KIF26B: variants seen among roughly 807,000 people sequenced by gnomAD.
KIF26B encodes the protein kinesin family member 26B, also known as kinesin-like protein KIF26B.
KIF26B carries 63 observed loss-of-function variants against 151.2 expected under a neutral mutation model. The ratio of observed to expected loss-of-function variants is 0.42; its 90% CI spans 0.34 to 0.51. The LOEUF is 0.51. Among genes scored for constraint, KIF26B ranks in the 20% least tolerant of loss-of-function variants. KIF26B has a pLI of 0.07. For synonymous variants in KIF26B, 1,357 were observed against 1,262.1 expected, an observed-to-expected ratio of 1.08 and a Z score of -1.59; for missense variants, 2,813 against 2,913.6, an observed-to-expected ratio of 0.97 and a Z score of 0.79.
intron 4 of KIF26B, among the ~76,000 whole-genome samples, chr1:245,505,157 C>T (rs1420819113): frequency 2.0e-5 from 3 of 150,422 alleles, no homozygotes; most frequent in African/African-American, 7.3e-5. Context: ...AGGCTGTTCT[C>T]GAACTCATGA....
At chr1:245,300,181 G>T (rs1671404310) in intron 2 of KIF26B, among the ~76,000 whole-genome samples, 1 of 152,196 alleles carries the variant, frequency 6.6e-6, no homozygotes. Flanking sequence ...TTGTTGAGTG[G>T]AACCTCCAAA....
chr1:245,609,618 G>C, intron 8 of KIF26B, 90 bp downstream of exon 8: 1 of 1,360,844 alleles, frequency 7.3e-7, no homozygotes, highest in Non-Finnish European at 9.7e-7. Flanking sequence ...CACTGAACCT[G>C]TAAACTCAGA....
chr1:245,389,828 C>T lies in KIF26B; in HGVS notation c.999+22461C>T, dbSNP rs561362976. 2.0e-5 allele frequency among the ~76,000 whole-genome samples: 3 copies of T among 152,286 alleles called. No homozygotes were observed. In the East Asian group the frequency reaches 5.8e-4, roughly 29 times the overall value. ...CCCAACACTGTGAATGCAGTGAGGC[C>T]TTTCCTCCTTTCCCAAGGCTCATTA... is the stretch of plus-strand genomic sequence containing the variant. On this transcript the variant is annotated intron_variant, in intron 3 of 14. Coordinates refer to ENST00000407071, the MANE Select transcript of KIF26B (RefSeq NM_018012.4).
intron 3 of KIF26B, among the ~76,000 whole-genome samples, chr1:245,416,286 A>AAG (rs1206448334): frequency 3.9e-4 from 55 of 139,482 alleles, no homozygotes; most frequent in African/African-American, 1.4e-3. Flanking sequence ...GTCTCAAAAA[A>AAG]AAAAAAAAAA....
In KIF26B at chr1:245,652,145, T is replaced by TGTGTGTGA. The variant is rs368258830; in HGVS notation, c.2258+5866_2258+5867insTGTGTGAG. 2.7e-3 allele frequency among the ~76,000 whole-genome samples: 379 copies of TGTGTGTGA among 142,748 alleles called. 3 individuals are homozygous for TGTGTGTGA. Among genetic ancestry groups the TGTGTGTGA allele is most frequent in the African/African-American group, 9.7e-3 (355 of 36,452 alleles). The allele number at this position is 142,748 out of a possible 152,430, so 93.6% of individuals were successfully genotyped here. ...GTGTGTGTGTGTGTGTGTGTGTGTGTGAGAGAGACATATGCATATTTAACC... is the reference window on the plus strand; with the variant it reads ...GTGTGTGTGTGTGTGTGTGTGTGTGTGTGTGTGAGAGAGAGACATATGCATATTTAACC... On this transcript the variant is annotated intron_variant, in intron 10 of 14. Coordinates refer to ENST00000407071, the MANE Select transcript of KIF26B (RefSeq NM_018012.4).
At chr1:245,183,716 G>C (rs1311706154) in intron 2 of KIF26B, among the ~76,000 whole-genome samples, 1 of 152,130 alleles carries the variant, frequency 6.6e-6, no homozygotes, top group Non-Finnish European at 1.5e-5. Flanking sequence ...TGTCACAGAA[G>C]CAACCTGCAG....
chr1:245,656,604 CA>C (rs2147929537), intron 10 of KIF26B, among the ~76,000 whole-genome samples: 1 of 152,360 alleles, frequency 6.6e-6, no homozygotes, highest in African/African-American at 2.4e-5. Context: ...TGGGCACCCA[CA>C]GGGGGCTGTG....
At chr1:245,408,723 C>T (rs927567316) in intron 3 of KIF26B, among the ~76,000 whole-genome samples, 5 of 152,136 alleles carry the variant, frequency 3.3e-5, no homozygotes, top group Admixed American at 2.6e-4. Context: ...GGTGGCTCTA[C>T]TTGAGCCGTA....
At position 245,184,051 on chromosome 1, in the gene KIF26B, T is replaced by TTG. The variant is rs1491477318; in HGVS notation, c.465+27369_465+27370insGT. Among the ~76,000 whole-genome samples the TTG allele has an allele frequency of 1.7e-3, 129 of 77,264 alleles. 1 individual carries two copies. Among genetic ancestry groups the TTG allele is most frequent in the African/African-American group, 7.5e-3 (122 of 16,308 alleles). 50.7% of individuals were successfully genotyped at this position (77,264 alleles called of 152,430 possible). Reference sequence around the variant, plus strand: ...CAACAGGTATGGGTGGGAGTTGTTGTTTTTTTTTTTTTTTTTTTGAGCTTT... The same window carrying TTG: ...CAACAGGTATGGGTGGGAGTTGTTGTTGTTTTTTTTTTTTTTTTTTGAGCTTT... On this transcript the variant is annotated intron_variant, in intron 2 of 14. Transcript: ENST00000407071.
intron 2 of KIF26B, among the ~76,000 whole-genome samples, chr1:245,254,031 C>T (rs957279885): frequency 3.3e-5 from 5 of 151,806 alleles, no homozygotes; most frequent in Non-Finnish European, 5.9e-5. Flanking sequence ...AGGATGGTCT[C>T]GATCTCCTGA....
chr1:245,537,956 A>G (rs1661522862), intron 4 of KIF26B, among the ~76,000 whole-genome samples: 1 of 152,204 alleles, frequency 6.6e-6, no homozygotes, highest in Admixed American at 6.5e-5. Context: ...GGATTGAGTG[A>G]AGCAGTAAAG....
At chr1:245,661,669 C>A (rs1223778390) in intron 10 of KIF26B, among the ~76,000 whole-genome samples, 1 of 147,868 alleles carries the variant, frequency 6.8e-6, no homozygotes, top group African/African-American at 2.6e-5. Flanking sequence ...GACACACACA[C>A]TCAATATATA....
intron 4 of KIF26B, among the ~76,000 whole-genome samples, chr1:245,475,429 T>A (rs1172357162): frequency 6.6e-6 from 1 of 151,740 alleles, no homozygotes; most frequent in Non-Finnish European, 1.5e-5. Context: ...CTAGACATTC[T>A]GAGGCGGGTC....
intron 3 of KIF26B, among the ~76,000 whole-genome samples, chr1:245,405,764 G>A (rs2103029204): frequency 6.6e-6 from 1 of 152,256 alleles, no homozygotes; most frequent in African/African-American, 2.4e-5. Flanking sequence ...GCCTGGAATA[G>A]ATCTAAGGGC....
chr1:245,496,780 C>G (rs1660521265), intron 4 of KIF26B, among the ~76,000 whole-genome samples: 1 of 151,858 alleles, frequency 6.6e-6, no homozygotes, highest in East Asian at 1.9e-4. Flanking sequence ...ACAACAAAAT[C>G]TAATTAAATA....
chr1:245,488,857 TTC>T lies in KIF26B; in HGVS notation c.1167-51908_1167-51907del, dbSNP rs1660338386. ...TAATAACAGAGGGACCAAGACTCGA[TTC>T]TTTATGCCTTAGGCTAGGTTTGCAG... On this transcript the variant is annotated intron_variant, in intron 4 of 14. Transcript: ENST00000407071. This position sits in a 1 kb window ranked among gnomAD's most constrained non-coding sequence, Gnocchi z 4.6. Among the ~76,000 whole-genome samples, 1 of 152,196 alleles carries T rather than the reference TTC, an allele frequency of 6.6e-6. No homozygotes were observed. The highest frequency in any genetic ancestry group is 1.5e-5 in the Non-Finnish European group (1 of 68,022).
chr1:245,687,697 C>T lies in KIF26B; in HGVS notation c.4714C>T (p.Pro1572Ser), dbSNP rs1212052670. The T allele has an allele frequency of 6.3e-7, 1 of 1,582,572 alleles. No individual in the cohort carries two copies. Among genetic ancestry groups the T allele is most frequent in the Admixed American group, 1.8e-5 (1 of 56,470 alleles). Reference protein sequence around the residue: ...NGVGAASGTPPSKATLEGKVA... With the variant: ...NGVGAASGTPSSKATLEGKVA... ...GGTGGGTGCAGCCTCGGGCACCCCGCCCTCCAAGGCTACCCTGGAGGGGAA... is the reference window on the plus strand; with the variant it reads ...GGTGGGTGCAGCCTCGGGCACCCCGTCCTCCAAGGCTACCCTGGAGGGGAA... Residue 1572 changes from proline to serine, a missense_variant, in exon 12 of 15, where the codon CCC (proline) becomes TCC (serine). Pro to Ser is a moderately conservative substitution (Grantham distance 74). Transcript: ENST00000407071. This position sits in a 1 kb window ranked among gnomAD's most constrained non-coding sequence, Gnocchi z 4.9.
Position 245,685,512 on chromosome 1 carries a change from C to A in KIF26B, c.2529C>A (p.Phe843Leu). The part of the protein sequence containing the change: ...FHTRATVDPD[F>L]PIAHLSSDPD... The stretch of plus-strand genomic sequence containing the variant: ...CCAGGGCCACGGTGGACCCTGACTT[C>A]CCCATCGCTCACCTGTCCAGCGACC... The change falls in exon 12 of 15, where the codon TTC becomes TTA. Residue 843 changes from phenylalanine to leucine, a missense_variant. Around this residue, in one of 3 missense-constraint regions of KIF26B, gnomAD observed 2,060 missense variants for 2,088.6 expected, o/e 0.99. Transcript: ENST00000407071. 1 of 1,613,776 alleles carries A rather than the reference C, an allele frequency of 6.2e-7. No individual in the cohort carries two copies. Among genetic ancestry groups the A allele is most frequent in the Non-Finnish European group, 8.5e-7 (1 of 1,179,798 alleles).
intron 2 of KIF26B, among the ~76,000 whole-genome samples, chr1:245,221,332 G>A (rs552013495): frequency 4.0e-5 from 6 of 149,662 alleles, no homozygotes; most frequent in Admixed American, 2.0e-4. Flanking sequence ...TCTAACAAGC[G>A]TGGTGGCCCT....
Sources: gnomAD v4.1 joint callset for allele counts (sites outside exome capture counted in the v4.1 genomes callset) on GRCh38, gnomAD v4.1.1 for gene constraint, gnomAD v4.1.1 regional missense constraint, Gnocchi (gnomAD v3.1) non-coding constraint, MANE v1.5 for transcripts, NCBI Gene and HGNC (gene_info 2026-07-23, HGNC 2026-07-21) for gene names.